SF3B3: variants seen among roughly 807,000 people sequenced by gnomAD.
SF3B3 encodes the protein splicing factor 3b subunit 3, also known as SAP 130.
A neutral mutation model predicts 139.2 loss-of-function variants in SF3B3; 33 were observed. That is an observed-to-expected ratio of 0.24 (90% CI 0.18 to 0.32). The LOEUF is 0.32. SF3B3 is among the 10% of genes least tolerant of loss of function. The pLI is 1.00. For missense variants in SF3B3, 818 were observed against 1,509.4 expected (o/e 0.54, Z 7.59); for synonymous variants, 596 against 563.6 (o/e 1.06, Z -0.81).
chr16:70,577,290 C>G lies in SF3B3; in HGVS notation c.*5477C>G, dbSNP rs1371705345. The G allele has an allele frequency of 6.6e-6, 1 of 152,232 alleles. No individual in the cohort carries two copies. The highest frequency in any genetic ancestry group is 6.5e-5 in the Admixed American group (1 of 15,274). The allele number at this position is 152,232 out of a possible 1,614,324, so 9.4% of individuals were successfully genotyped here. ...TATGTGATGCTTTGAAAGAAAGGGG[C>G]ATCATTCCAAGCCAAGAGGCCCCAG... On this transcript the variant is annotated 3_prime_UTR_variant, in exon 26 of 26. Transcript: ENST00000302516.
chr16:70,567,321 C>G, intron 20 of SF3B3, 90 bp from the exon 21 acceptor site: 2 of 1,388,128 alleles, frequency 1.4e-6, no homozygotes, highest in South Asian at 1.4e-5. Context: ...ATGATAGGCT[C>G]CTGTGGAAGT....
chr16:70,530,867 G>A lies in SF3B3; in HGVS notation c.520G>A (p.Asp174Asn). The A allele has an allele frequency of 6.2e-7, 1 of 1,613,972 alleles. No individual in the cohort carries two copies. The highest frequency in any genetic ancestry group is 8.5e-7 in the Non-Finnish European group (1 of 1,179,944). ...NTLVYHVVGVDVGFENPMFAC... is the reference protein window; with the variant it reads ...NTLVYHVVGVNVGFENPMFAC... The stretch of plus-strand genomic sequence containing the variant: ...TTTAGTGTATCATGTAGTTGGAGTA[G>A]ATGTCGGATTTGAAAATCCAATGTT... Residue 174 changes from aspartate (D) to asparagine (N), a missense_variant, in exon 4 of 26, where the codon GAT becomes AAT. By Grantham distance (23) the Asp-to-Asn change is conservative. Transcript: ENST00000302516.
chr16:70,532,760 G>A, intron 5 of SF3B3, 140 bp downstream of exon 5: 1 of 802,624 alleles, frequency 1.2e-6, no homozygotes, highest in East Asian at 2.5e-5. Context: ...CAGGTTAGAA[G>A]TTCATGTGGT....
At chr16:70,565,332 C>G in intron 19 of SF3B3, 36 bp from the exon 20 acceptor site, 2 of 1,613,748 alleles carry the variant, frequency 1.2e-6, no homozygotes, top group Non-Finnish European at 1.7e-6. Flanking sequence ...TGAGTTTTGA[C>G]TAAGGCCTTA....
chr16:70,571,800 G>A lies in SF3B3; in HGVS notation c.3641G>A (p.Arg1214His). 2 of 1,613,352 alleles carry A rather than the reference G, an allele frequency of 1.2e-6. No individual in the cohort carries two copies. Among genetic ancestry groups the A allele is most frequent in the Non-Finnish European group, 1.7e-6 (2 of 1,179,782 alleles). Residue 1214 changes from arginine (R) to histidine (H), a missense_variant, in exon 26 of 26, where the codon CGC becomes CAC. This residue lies in a region of SF3B3 where 28 missense variants were observed against 59.1 expected (regional missense o/e 0.47). Transcript: ENST00000302516. ...AAGAAACTCGAGGATATCCGGACCC[G>A]CTACGCCTTCTGAGCCCTCCTTTCC... ...VSKKLEDIRT[R>H]YAF
intron 11 of SF3B3, among the ~76,000 whole-genome samples, chr16:70,549,396 A>G (rs1391214281): frequency 6.6e-6 from 1 of 152,198 alleles, no homozygotes; most frequent in Non-Finnish European, 1.5e-5. Flanking sequence ...AAAATTGTGA[A>G]TAGGAAATGG....
At chr16:70,564,976 C>A in intron 18 of SF3B3, 89 bp from the exon 19 acceptor site, 1 of 1,197,352 alleles carries the variant, frequency 8.4e-7, no homozygotes, top group South Asian at 1.2e-5. Flanking sequence ...TATTGAGAAC[C>A]CCCTGGAGTG....
Position 70,567,498 on chromosome 16 carries a change from C to T in SF3B3, c.2914C>T (p.Leu972=). 1 of 1,613,958 alleles carries T rather than the reference C, an allele frequency of 6.2e-7. No homozygotes were observed. Among genetic ancestry groups the T allele is most frequent in the Non-Finnish European group, 8.5e-7 (1 of 1,179,984 alleles). The change falls in exon 21 of 26, where the codon CTG becomes TTG. Residue 972 remains leucine, a synonymous_variant. Coordinates refer to ENST00000302516, the MANE Select transcript of SF3B3 (RefSeq NM_012426.5). ...GGGGAAGCTGTTGCGTGTCTATGAC[C>T]TGGGAAAGAAGAAGTTACTCCGAAA... is the stretch of plus-strand genomic sequence containing the variant. ...GVGKLLRVYD[L]GKKKLLRKCE...
At chr16:70,556,119 T>C (rs2050377744) in intron 13 of SF3B3, 60 bp from the exon 14 acceptor site, 2 of 1,561,616 alleles carry the variant, frequency 1.3e-6, no homozygotes, top group Admixed American at 3.4e-5. Context: ...TTGGGGTGAA[T>C]TGGAGCATCT....
At chr16:70,562,741 C>T (rs1259305277) in intron 17 of SF3B3, among the ~76,000 whole-genome samples, 2 of 152,198 alleles carry the variant, frequency 1.3e-5, no homozygotes, top group Non-Finnish European at 2.9e-5. Context: ...ACTTACTTCC[C>T]CCCAAAACTA....
At chr16:70,539,937 C>T (rs941313521) in intron 8 of SF3B3, among the ~76,000 whole-genome samples, 5 of 151,520 alleles carry the variant, frequency 3.3e-5, no homozygotes, top group Admixed American at 6.6e-5. Flanking sequence ...TCACTATGCC[C>T]AGCTCATTTT....
intron 17 of SF3B3, among the ~76,000 whole-genome samples, chr16:70,563,003 T>C (rs1318430434): frequency 2.0e-5 from 3 of 152,188 alleles, no homozygotes; most frequent in African/African-American, 7.2e-5. Flanking sequence ...CTAATTTTTG[T>C]GTTCTATTTT....
intron 13 of SF3B3, among the ~76,000 whole-genome samples, chr16:70,555,680 C>T (rs1007664428): frequency 6.6e-6 from 1 of 152,168 alleles, no homozygotes; most frequent in African/African-American, 2.4e-5. Flanking sequence ...GATTTAATTT[C>T]TGCAGTCTGA....
chr16:70,566,039 C>T (rs968249838), intron 20 of SF3B3, among the ~76,000 whole-genome samples: 1 of 152,050 alleles, frequency 6.6e-6, no homozygotes, highest in Admixed American at 6.6e-5. Flanking sequence ...ATCGCTTGAA[C>T]CCGGGAGGCG....
intron 8 of SF3B3, among the ~76,000 whole-genome samples, chr16:70,540,066 C>T (rs761016237): frequency 2.5e-4 from 38 of 150,216 alleles, no homozygotes; most frequent in Non-Finnish European, 3.1e-4. Flanking sequence ...TGAGCCACTG[C>T]GCCCAGCAGT....
intron 8 of SF3B3, among the ~76,000 whole-genome samples, chr16:70,541,411 T>A (rs1455727510): frequency 6.6e-6 from 1 of 152,236 alleles, no homozygotes; most frequent in African/African-American, 2.4e-5. Flanking sequence ...ACAAAAGTTT[T>A]AAATTTTGAT....
intron 6 of SF3B3, 79 bp from the exon 7 acceptor site, chr16:70,538,244 C>T (rs902375639): frequency 7.7e-6 from 10 of 1,293,746 alleles, no homozygotes; most frequent in Non-Finnish European, 1.1e-5. Context: ...CATTTGTAAT[C>T]CCTATTGGTA....
chr16:70,569,918 A>AT (rs1723033748), intron 23 of SF3B3, 88 bp from the exon 24 acceptor site: 8 of 1,436,954 alleles, frequency 5.6e-6, no homozygotes, highest in Non-Finnish European at 7.7e-6. Context: ...AGATGATGAA[A>AT]TGTGCCTTAG....
intron 1 of SF3B3, 61 bp from the exon 2 acceptor site, chr16:70,526,526 T>C (rs752775511): frequency 7.9e-6 from 5 of 636,012 alleles, no homozygotes; most frequent in South Asian, 2.0e-5. Context: ...GAATTTCCCA[T>C]ACAGAAATGT....
Sources: allele counts gnomAD v4.1 joint callset (sites outside exome capture counted in the v4.1 genomes callset), GRCh38; gene constraint gnomAD v4.1.1; regional missense constraint gnomAD v4.1.1; transcripts MANE v1.5; gene names NCBI Gene and HGNC (gene_info 2026-07-23, HGNC 2026-07-21).